TENM4: variants seen among roughly 807,000 people sequenced by gnomAD.
The protein encoded by TENM4 is teneurin transmembrane protein 4.
Under a neutral mutation model 243.3 loss-of-function variants are expected in TENM4, and 82 were observed. The observed-to-expected ratio is 0.34, with a 90% confidence interval of 0.28 to 0.40. The LOEUF is 0.40. Ranked by LOEUF, TENM4 falls within the 10% of genes least tolerant of loss-of-function variation. TENM4 has a pLI of 1.00. For synonymous variants in TENM4, 1,412 were observed against 1,456.3 expected, an observed-to-expected ratio of 0.97 and a Z score of 0.69; for missense variants, 3,138 against 3,673.3, an observed-to-expected ratio of 0.85 and a Z score of 3.77.
chr11:79,247,246 A>C (rs1039499791), intron 2 of TENM4, among the ~76,000 whole-genome samples: 2 of 151,770 alleles, frequency 1.3e-5, no homozygotes, highest in African/African-American at 4.8e-5. Context: ...GTGAAACCCC[A>C]TCTCTACTAA....
chr11:78,668,076 G>C (rs1858202450), intron 32 of TENM4, among the ~76,000 whole-genome samples: 1 of 152,066 alleles, frequency 6.6e-6, no homozygotes, highest in Non-Finnish European at 1.5e-5. Context: ...TAAAGGAAAG[G>C]GAACCAACAC....
intron 4 of TENM4, among the ~76,000 whole-genome samples, chr11:79,116,263 A>G (rs182763138): frequency 3.5e-4 from 53 of 152,364 alleles, no homozygotes; most frequent in African/African-American, 1.0e-3. Flanking sequence ...CTTAACATTC[A>G]TTATGTAAAG....
At chr11:78,708,176 G>A (rs1859302858) in intron 27 of TENM4, among the ~76,000 whole-genome samples, 185 bp downstream of exon 27, 1 of 152,202 alleles carries the variant, frequency 6.6e-6, no homozygotes, top group African/African-American at 2.4e-5. Context: ...TCCTGATGGT[G>A]AACTCCCAGG....
chr11:78,971,361 G>T (rs1406433756), intron 6 of TENM4, among the ~76,000 whole-genome samples: 1 of 152,122 alleles, frequency 6.6e-6, no homozygotes, highest in African/African-American at 2.4e-5. Context: ...GGAGTGCAGT[G>T]GCGCAATCTC....
intron 1 of TENM4, among the ~76,000 whole-genome samples, chr11:79,346,584 A>G (rs1590897058): frequency 6.6e-6 from 1 of 152,134 alleles, no homozygotes; most frequent in Admixed American, 6.5e-5. Flanking sequence ...TGTTATTGCC[A>G]TCTCTGCAAA....
chr11:79,315,955 G>A (rs761505609), intron 1 of TENM4, among the ~76,000 whole-genome samples: 4 of 152,146 alleles, frequency 2.6e-5, no homozygotes, highest in Non-Finnish European at 4.4e-5. Context: ...TTTAATGGCC[G>A]AAACTGCAGT....
intron 6 of TENM4, among the ~76,000 whole-genome samples, chr11:79,062,207 C>T (rs1194848854): frequency 6.6e-6 from 1 of 152,130 alleles, no homozygotes; most frequent in Non-Finnish European, 1.5e-5. Flanking sequence ...GCAATCCATC[C>T]ACCCCAGCCT....
At chr11:79,203,977 A>G (rs1863797548) in intron 3 of TENM4, among the ~76,000 whole-genome samples, 1 of 152,256 alleles carries the variant, frequency 6.6e-6, no homozygotes, top group Admixed American at 6.5e-5. Flanking sequence ...CCACAAAAAA[A>G]CACATGTTGT....
intron 1 of TENM4, among the ~76,000 whole-genome samples, chr11:79,300,249 TG>T (rs752594424): frequency 6.6e-6 from 1 of 152,194 alleles, no homozygotes; most frequent in East Asian, 1.9e-4. Context: ...TAAGCTTTTT[TG>T]TATGAATACT....
intron 3 of TENM4, among the ~76,000 whole-genome samples, chr11:79,170,555 T>G (rs140442625): frequency 1.9e-4 from 29 of 152,162 alleles, no homozygotes; most frequent in African/African-American, 7.0e-4. Flanking sequence ...TCCTAAGCAG[T>G]GGAAATAGTG....
chr11:79,285,352 C>T (rs1268215903), intron 2 of TENM4, among the ~76,000 whole-genome samples: 1 of 151,804 alleles, frequency 6.6e-6, no homozygotes, highest in Non-Finnish European at 1.5e-5. Context: ...ATAAAAAAGA[C>T]ATAAAAAGTA....
At chr11:78,902,774 G>A (rs1484457718) in intron 7 of TENM4, among the ~76,000 whole-genome samples, 1 of 152,178 alleles carries the variant, frequency 6.6e-6, no homozygotes, top group Non-Finnish European at 1.5e-5. Flanking sequence ...GGAGAGGTGG[G>A]GAGACTGACA....
At chr11:79,125,903 T>C (rs899701817) in intron 4 of TENM4, among the ~76,000 whole-genome samples, 1 of 152,294 alleles carries the variant, frequency 6.6e-6, no homozygotes, top group Admixed American at 6.5e-5. Context: ...GGAAGTGCGC[T>C]ACACTCAAAA....
At position 79,423,172 on chromosome 11, in the gene TENM4, G is replaced by C. The variant is rs553278111; in HGVS notation, c.-321+17337C>G. ...AGCACAGATACTGGGAAGAGAACAG[G>C]AAGATTCCAACTGGAGAGGTAACAT... On this transcript the variant is annotated intron_variant, in intron 1 of 33. Transcript: ENST00000278550. Among the ~76,000 whole-genome samples, 899 of 152,270 alleles carry C rather than the reference G, an allele frequency of 5.9e-3. 7 individuals carry two copies. Among genetic ancestry groups the C allele is most frequent in the Non-Finnish European group, 9.8e-3 (668 of 68,012 alleles).
intron 6 of TENM4, among the ~76,000 whole-genome samples, chr11:78,994,279 T>G (rs967221948): frequency 6.6e-6 from 1 of 152,188 alleles, no homozygotes; most frequent in African/African-American, 2.4e-5. Context: ...CCCCAGTAGA[T>G]GTTCTTTGAC....
intron 1 of TENM4, among the ~76,000 whole-genome samples, chr11:79,342,159 G>C (rs958270564): frequency 1.3e-5 from 2 of 152,172 alleles, no homozygotes; most frequent in African/African-American, 4.8e-5. Flanking sequence ...AAAGCTGCCT[G>C]GCCCAAGTAC....
In TENM4 at chr11:78,805,310, C is replaced by T. The variant is rs763798753; in HGVS notation, c.2161G>A (p.Gly721Arg). The change falls in exon 15 of 34, where the codon GGA becomes AGA. Residue 721 changes from glycine to arginine, a missense_variant. Physicochemically the swap from Gly to Arg is moderately radical, Grantham distance 125. Around this residue, in one of 2 missense-constraint regions of TENM4, gnomAD observed 2,467 missense variants for 3,059.1 expected, o/e 0.81. Transcript: ENST00000278550. ...GLCSCDPSWT[G>R]HDCSIEICAA... Reference sequence around the variant, plus strand: ...CATTTACCGATAGAACAGTCGTGTCCAGTCCAGCTTGGGTCACAGCTGCAA... The same window carrying T: ...CATTTACCGATAGAACAGTCGTGTCTAGTCCAGCTTGGGTCACAGCTGCAA... 5.1e-6 allele frequency: 7 copies of T among 1,371,662 alleles called. No homozygotes were observed. Among genetic ancestry groups the T allele is most frequent in the Non-Finnish European group, 6.8e-6 (7 of 1,026,016 alleles). 85.0% of individuals were successfully genotyped at this position (1,371,662 alleles called of 1,614,324 possible).
intron 29 of TENM4, among the ~76,000 whole-genome samples, chr11:78,677,908 T>C (rs1858523005): frequency 8.2e-6 from 1 of 121,674 alleles, no homozygotes; most frequent in East Asian, 2.6e-4. Flanking sequence ...TATCTCCCAA[T>C]GCTATCCCTC....
intron 2 of TENM4, among the ~76,000 whole-genome samples, chr11:79,224,515 A>C (rs1207465384): frequency 6.6e-6 from 1 of 152,156 alleles, no homozygotes; most frequent in Non-Finnish European, 1.5e-5. Context: ...TTGTATCCTC[A>C]AAAAAGAAAA....
Sources: allele counts gnomAD v4.1 joint callset (sites outside exome capture counted in the v4.1 genomes callset), GRCh38; gene constraint gnomAD v4.1.1; regional missense constraint gnomAD v4.1.1; transcripts MANE v1.5; gene names NCBI Gene and HGNC (gene_info 2026-07-23, HGNC 2026-07-21).